The following ZZEF1 variants were observed in gnomAD, a reference collection of about 807,000 sequenced individuals.
ZZEF1 encodes the protein zinc finger ZZ-type and EF-hand domain containing 1.
A neutral mutation model predicts 342.8 loss-of-function variants in ZZEF1; 157 were observed. The ratio of observed to expected loss-of-function variants is 0.46; its 90% CI spans 0.40 to 0.52. The LOEUF (loss-of-function observed/expected upper bound fraction) is 0.52, where lower values mean the gene tolerates loss of function less well. ZZEF1 is among the 20% of genes least tolerant of loss of function. The pLI is 0.00. For synonymous variants in ZZEF1, 1,505 were observed against 1,429.1 expected, an observed-to-expected ratio of 1.05 and a Z score of -1.20; for missense variants, 3,480 against 3,725.6, an observed-to-expected ratio of 0.93 and a Z score of 1.72.
chr17:4,066,785 A>G (rs1003612558), intron 27 of ZZEF1, among the ~76,000 whole-genome samples: 1 of 152,176 alleles, frequency 6.6e-6, no homozygotes, highest in Non-Finnish European at 1.5e-5. Context: ...TAGAGAAATG[A>G]AGAGTCTTAC....
rs906028475 is a variant in ZZEF1 at position 4,134,233 on chromosome 17, C to T, written c.354+8309G>A. Among the ~76,000 whole-genome samples, 9 of 151,048 alleles carry T rather than the reference C, an allele frequency of 6.0e-5. No homozygotes were observed. In the East Asian group the frequency reaches 1.5e-3, roughly 26 times the overall value. On this transcript the variant is annotated intron_variant, in intron 1 of 54. Transcript: ENST00000381638. Reference sequence around the variant, plus strand: ...ACCCAGGAGGCTGAGGTGGGAGGACCGCTTGAACCTAGGAGGTCAAGGCTG... The same window carrying T: ...ACCCAGGAGGCTGAGGTGGGAGGACTGCTTGAACCTAGGAGGTCAAGGCTG...
In ZZEF1 at chr17:4,064,652, G is replaced by A; in HGVS notation, c.4427C>T (p.Pro1476Leu). 1 of 1,614,208 alleles carries A rather than the reference G, an allele frequency of 6.2e-7. No individual in the cohort carries two copies. Among genetic ancestry groups the A allele is most frequent in the Non-Finnish European group, 8.5e-7 (1 of 1,180,036 alleles). Residue 1476 changes from proline (P) to leucine (L), a missense_variant, in exon 29 of 55, where the codon CCC becomes CTC. Around this residue, in one of 5 missense-constraint regions of ZZEF1, gnomAD observed 1,528 missense variants for 1,624.1 expected, o/e 0.94. Coordinates refer to ENST00000381638, the MANE Select transcript of ZZEF1 (RefSeq NM_015113.4). ...VEEHFQASVS[P>L]TEAAPPATGD... is the part of the protein sequence containing the mutation. ...TGTGGCAGGGGGTGCGGCTTCAGTG[G>A]GAGATACTGAGGCTTGGAAATGCTC...
rs1399164802 is a variant in ZZEF1, at chr17:4,058,114, A to G, written c.5045T>C (p.Leu1682Pro). ...PALSCVQTAL[L>P]HLLDMGWEPN... Reference sequence around the variant, plus strand: ...TTCCCAGCCCATATCCAAAAGATGAAGCAGGGCTGTCTGAACACAGGATAA... The same window carrying G: ...TTCCCAGCCCATATCCAAAAGATGAGGCAGGGCTGTCTGAACACAGGATAA... The change falls in exon 32 of 55, where the codon CTT becomes CCT. Residue 1682 changes from leucine (L) to proline (P), a missense_variant. Physicochemically the swap from Leu to Pro is moderately conservative, Grantham distance 98. Coordinates refer to ENST00000381638, the MANE Select transcript of ZZEF1 (RefSeq NM_015113.4). 6.2e-7 allele frequency: 1 copy of G among 1,613,964 alleles called. No homozygotes were observed. Among genetic ancestry groups the G allele is most frequent in the African/African-American group, 1.3e-5 (1 of 74,938 alleles).
At chr17:4,116,880 G>T in intron 3 of ZZEF1, 92 bp downstream of exon 3, 1 of 1,308,872 alleles carries the variant, frequency 7.6e-7, no homozygotes, top group Non-Finnish European at 1.0e-6. Context: ...TTTCAGAAAT[G>T]AAGGCAGGGA....
chr17:4,022,629 GGA>G, intron 44 of ZZEF1, 78 bp downstream of exon 44: 1 of 1,596,850 alleles, frequency 6.3e-7, no homozygotes, highest in Non-Finnish European at 8.5e-7. Flanking sequence ...AGAAGCAGCT[GGA>G]ACTCGGTGAT....
intron 39 of ZZEF1, among the ~76,000 whole-genome samples, chr17:4,036,298 C>T (rs2056661759): frequency 1.3e-5 from 2 of 152,124 alleles, no homozygotes; most frequent in African/African-American, 4.8e-5. Flanking sequence ...GGGTAAGTGG[C>T]ACCTGTGCAT....
intron 54 of ZZEF1, among the ~76,000 whole-genome samples, chr17:4,007,562 G>A (rs1036989028): frequency 7.9e-5 from 12 of 152,210 alleles, no homozygotes; most frequent in Non-Finnish European, 1.5e-4. Flanking sequence ...GGGGCAGCAA[G>A]AGGGACCCGC....
chr17:4,016,238 GAGCA>G lies in ZZEF1; in HGVS notation c.8145+81_8145+84del. ...AGCGGGAGAGAGCCACAGAGGGGCT[GAGCA>G]TGGAGGGGCTGAGCACGGAGGGGCT... On this transcript the variant is annotated intron_variant, in intron 49 of 54. Transcript: ENST00000381638. This position sits in a 1 kb window ranked among gnomAD's most constrained non-coding sequence, Gnocchi z 4.4. The G allele has an allele frequency of 6.7e-7, 1 of 1,488,748 alleles. No homozygotes were observed. The highest frequency in any genetic ancestry group is 9.0e-7 in the Non-Finnish European group (1 of 1,107,510). The allele number at this position is 1,488,748 out of a possible 1,614,324, so 92.2% of individuals were successfully genotyped here. A position where few individuals can be genotyped will look rare whatever the true frequency, so the allele number is the denominator to read the frequency against.
At chr17:4,128,802 T>A (rs1212399320) in intron 1 of ZZEF1, among the ~76,000 whole-genome samples, 4 of 139,016 alleles carry the variant, frequency 2.9e-5, no homozygotes, top group Non-Finnish European at 6.1e-5. Flanking sequence ...GACGGAGTCT[T>A]GCTCTGTCGC....
At chr17:4,033,322 A>C (rs1037403830) in intron 40 of ZZEF1, 1 of 234,762 alleles carries the variant, frequency 4.3e-6, no homozygotes, top group African/African-American at 2.2e-5. Flanking sequence ...AAATGGTGCA[A>C]GTCAGGGTGA....
At position 4,105,709 on chromosome 17, in the gene ZZEF1, G is replaced by A. The variant is rs752159514; in HGVS notation, c.1378C>T (p.Leu460Phe). 6.2e-7 allele frequency: 1 copy of A among 1,612,886 alleles called. No homozygotes were observed. Among genetic ancestry groups the A allele is most frequent in the Admixed American group, 1.7e-5 (1 of 59,852 alleles). The change falls in exon 7 of 55, where the codon CTC becomes TTC. Residue 460 changes from leucine (L) to phenylalanine (F), a missense_variant. Physicochemically the swap from Leu to Phe is conservative, Grantham distance 22. Transcript: ENST00000381638. Reference protein sequence around the residue: ...PNVLEEVDSFLIRITSCCSTP... With the variant: ...PNVLEEVDSFFIRITSCCSTP... ...TGATTTTACCTAGTTATCCTTATGA[G>A]GAAACTGTCCACTTCTTCCAGCACA...
intron 18 of ZZEF1, among the ~76,000 whole-genome samples, chr17:4,078,999 A>G (rs1018600376): frequency 3.9e-5 from 6 of 152,214 alleles, no homozygotes; most frequent in Non-Finnish European, 8.8e-5. Flanking sequence ...AGGTTTAATG[A>G]TATCTGTAAC....
chr17:4,032,684 A>G, intron 41 of ZZEF1, 144 bp downstream of exon 41: 1 of 771,488 alleles, frequency 1.3e-6, no homozygotes, highest in Non-Finnish European at 2.0e-6. Context: ...CAATACTTCA[A>G]TACTACAAAA....
intron 18 of ZZEF1, among the ~76,000 whole-genome samples, chr17:4,078,862 C>T (rs1358465227): frequency 6.6e-6 from 1 of 152,122 alleles, no homozygotes; most frequent in Non-Finnish European, 1.5e-5. Context: ...AATTTCAGAC[C>T]AGGTACATTT....
chr17:4,018,639 G>C (rs1242238987), intron 46 of ZZEF1, among the ~76,000 whole-genome samples: 1 of 152,172 alleles, frequency 6.6e-6, no homozygotes, highest in East Asian at 1.9e-4. Flanking sequence ...AACGCAGTCT[G>C]AACAGGTGGA....
intron 1 of ZZEF1, among the ~76,000 whole-genome samples, chr17:4,137,244 A>T (rs1440410159): frequency 2.0e-5 from 3 of 152,180 alleles, no homozygotes; most frequent in African/African-American, 7.2e-5. Context: ...CTCCTAGGTC[A>T]TGAATTTCTC....
intron 1 of ZZEF1, among the ~76,000 whole-genome samples, chr17:4,140,833 G>A (rs937691297): frequency 4.0e-5 from 6 of 151,344 alleles, no homozygotes; most frequent in Non-Finnish European, 7.4e-5. Flanking sequence ...CTCATAATAC[G>A]CGTAGATACT....
intron 16 of ZZEF1, among the ~76,000 whole-genome samples, chr17:4,083,347 T>C (rs185894399): frequency 3.2e-4 from 48 of 152,168 alleles, no homozygotes; most frequent in Admixed American, 3.1e-3. Context: ...ACCAAACAAG[T>C]AGGATAGAGA....
chr17:4,137,382 G>T (rs1260265982), intron 1 of ZZEF1, among the ~76,000 whole-genome samples: 1 of 152,136 alleles, frequency 6.6e-6, no homozygotes, highest in African/African-American at 2.4e-5. Flanking sequence ...AGGCCGAGGT[G>T]GGCGGATCAC....
Sources: allele counts gnomAD v4.1 joint callset (sites outside exome capture counted in the v4.1 genomes callset), GRCh38; gene constraint gnomAD v4.1.1; regional missense constraint gnomAD v4.1.1; non-coding constraint Gnocchi (gnomAD v3.1); transcripts MANE v1.5; gene names NCBI Gene and HGNC (gene_info 2026-07-23, HGNC 2026-07-21).